The following KIF16B variants were observed in gnomAD, a reference collection of about 807,000 sequenced individuals.
The protein encoded by KIF16B is kinesin-like protein KIF16B.
KIF16B carries 98 observed loss-of-function variants against 156.3 expected under a neutral mutation model. That is an observed-to-expected ratio of 0.63 (90% CI 0.53 to 0.74). KIF16B has a LOEUF of 0.74. Among genes scored for constraint, KIF16B ranks in the 30% least tolerant of loss-of-function variants. KIF16B has a pLI of 0.00. For synonymous variants in KIF16B, 564 were observed against 583.7 expected (o/e 0.97, Z 0.49); for missense variants, 1,421 against 1,606.5 (o/e 0.88, Z 1.97).
chr20:16,359,335 G>C (rs1010824718), intron 22 of KIF16B, among the ~76,000 whole-genome samples: 3 of 151,606 alleles, frequency 2.0e-5, no homozygotes, highest in African/African-American at 7.3e-5. Flanking sequence ...GAAAGCATGT[G>C]GCACCTCCCT....
chr20:16,405,586 C>T (rs1042248791), intron 16 of KIF16B, among the ~76,000 whole-genome samples: 2 of 152,138 alleles, frequency 1.3e-5, no homozygotes, highest in Admixed American at 1.3e-4. Context: ...TGGTCAAGGG[C>T]AAACACTTCT....
At chr20:16,291,994 G>T (rs1468282987) in intron 25 of KIF16B, among the ~76,000 whole-genome samples, 2 of 152,148 alleles carry the variant, frequency 1.3e-5, no homozygotes, top group Non-Finnish European at 2.9e-5. Context: ...AAAATCCACT[G>T]AGAAAAAGGC....
chr20:16,541,421 C>G (rs2070192981), intron 1 of KIF16B, among the ~76,000 whole-genome samples: 1 of 152,230 alleles, frequency 6.6e-6, no homozygotes, highest in Non-Finnish European at 1.5e-5. Context: ...GGCACAGCCT[C>G]CACTCCGTCC....
chr20:16,449,580 T>C (rs573145951), intron 12 of KIF16B, among the ~76,000 whole-genome samples: 19 of 152,108 alleles, frequency 1.2e-4, no homozygotes, highest in East Asian at 7.7e-4. Flanking sequence ...AACCAAAGAA[T>C]AGAGGTGGGA....
intron 17 of KIF16B, among the ~76,000 whole-genome samples, chr20:16,396,687 C>A (rs2065513354): frequency 6.9e-6 from 1 of 144,072 alleles, no homozygotes. Flanking sequence ...CTAAATTTCC[C>A]ATAATGAACA....
chr20:16,496,248 T>C (rs865787575), intron 11 of KIF16B, among the ~76,000 whole-genome samples: 4 of 152,238 alleles, frequency 2.6e-5, no homozygotes, highest in South Asian at 2.1e-4. Flanking sequence ...CAGATTGTCA[T>C]TGGCAATTTA....
In KIF16B at chr20:16,272,958, C is replaced by A. The variant is rs1167228829; in HGVS notation, c.*295G>T. ...CGATGGCCCAACCACATCTATCTTG[C>A]CACAGGGGACGAACTTTGCTGCGCA... On this transcript the variant is annotated 3_prime_UTR_variant, in exon 26 of 26. Coordinates refer to ENST00000354981, the MANE Select transcript of KIF16B (RefSeq NM_024704.5). 1.8e-5 allele frequency: 5 copies of A among 285,624 alleles called. No individual in the cohort carries two copies. Among genetic ancestry groups the A allele is most frequent in the Non-Finnish European group, 2.6e-5 (4 of 151,404 alleles). 17.7% of individuals were successfully genotyped at this position (285,624 alleles called of 1,614,324 possible).
chr20:16,531,767 A>G (rs1047265542), intron 1 of KIF16B, among the ~76,000 whole-genome samples: 1 of 152,226 alleles, frequency 6.6e-6, no homozygotes, highest in Non-Finnish European at 1.5e-5. Context: ...CATTAAAGAC[A>G]TATCAACCAA....
chr20:16,466,974 G>T (rs1210023487), intron 12 of KIF16B, among the ~76,000 whole-genome samples: 1 of 151,386 alleles, frequency 6.6e-6, no homozygotes, highest in Non-Finnish European at 1.5e-5. Flanking sequence ...TTTACCACCA[G>T]AAGTCCACGT....
intron 23 of KIF16B, among the ~76,000 whole-genome samples, chr20:16,355,484 T>G (rs1296497919): frequency 6.6e-6 from 1 of 152,162 alleles, no homozygotes; most frequent in Non-Finnish European, 1.5e-5. Context: ...CATGGTCTGG[T>G]GTTGATCTGA....
At chr20:16,421,325 G>A (rs573787317) in intron 15 of KIF16B, among the ~76,000 whole-genome samples, 2 of 151,874 alleles carry the variant, frequency 1.3e-5, no homozygotes, top group Non-Finnish European at 1.5e-5. Context: ...TTTTCCTTTA[G>A]CTTTTTGTTT....
intron 12 of KIF16B, among the ~76,000 whole-genome samples, chr20:16,488,457 G>A (rs1386017723): frequency 6.6e-6 from 1 of 152,194 alleles, no homozygotes; most frequent in Non-Finnish European, 1.5e-5. Context: ...AACGTATGCA[G>A]GACAGATAAA....
intron 25 of KIF16B, among the ~76,000 whole-genome samples, chr20:16,284,618 ACT>A (rs1328469263): frequency 6.6e-6 from 1 of 151,676 alleles, no homozygotes; most frequent in Non-Finnish European, 1.5e-5. Context: ...ACACAGGGAC[ACT>A]CTCCCTTTCG....
chr20:16,335,129 A>G (rs1040934868), intron 24 of KIF16B, among the ~76,000 whole-genome samples: 1 of 151,678 alleles, frequency 6.6e-6, no homozygotes, highest in Non-Finnish European at 1.5e-5. Context: ...AAACCATAAA[A>G]ATAGTGCTCA....
At chr20:16,522,870 C>G (rs2069402561) in intron 3 of KIF16B, among the ~76,000 whole-genome samples, 1 of 152,250 alleles carries the variant, frequency 6.6e-6, no homozygotes, top group East Asian at 1.9e-4. Context: ...GAAATTCACT[C>G]AAAACCGCAC....
chr20:16,506,492 A>G (rs1175214135), intron 7 of KIF16B, among the ~76,000 whole-genome samples: 1 of 152,196 alleles, frequency 6.6e-6, no homozygotes, highest in Admixed American at 6.5e-5. Flanking sequence ...TCAGCAGAGA[A>G]ATGTAAGTAA....
At chr20:16,314,858 C>G (rs1468472743) in intron 24 of KIF16B, among the ~76,000 whole-genome samples, 1 of 152,046 alleles carries the variant, frequency 6.6e-6, no homozygotes. Context: ...CAAACACACT[C>G]CCCCCATGTT....
intron 15 of KIF16B, among the ~76,000 whole-genome samples, chr20:16,417,053 C>T (rs1340993407): frequency 6.6e-6 from 1 of 151,944 alleles, no homozygotes; most frequent in African/African-American, 2.4e-5. Flanking sequence ...ATTTCTTGGC[C>T]GTAGACACGG....
chr20:16,433,082 C>G (rs898971804), intron 12 of KIF16B, among the ~76,000 whole-genome samples: 19 of 152,172 alleles, frequency 1.2e-4, no homozygotes, highest in African/African-American at 4.3e-4. Flanking sequence ...GTTTTTTCCT[C>G]CTGACCATGA....
Sources: allele counts gnomAD v4.1 joint callset (sites outside exome capture counted in the v4.1 genomes callset), GRCh38; gene constraint gnomAD v4.1.1; transcripts MANE v1.5; gene names NCBI Gene and HGNC (gene_info 2026-07-23, HGNC 2026-07-21).